The following ANO1 variants were observed in gnomAD, a reference collection of about 807,000 sequenced individuals.
The protein encoded by ANO1 is anoctamin-1.
In ANO1, 59 loss-of-function variants were observed where a neutral mutation model predicts 124.0. That is an observed-to-expected ratio of 0.48 (90% CI 0.39 to 0.59). The LOEUF is 0.59. Ranked by LOEUF, ANO1 falls within the 20% of genes least tolerant of loss-of-function variation. The pLI, the probability that ANO1 is intolerant of heterozygous loss-of-function variation, is 0.00. For missense variants in ANO1, 1,059 were observed against 1,328.0 expected, an observed-to-expected ratio of 0.80 and a Z score of 3.15; for synonymous variants, 529 against 532.0, an observed-to-expected ratio of 0.99 and a Z score of 0.08.
intron 5 of ANO1, 100 bp downstream of exon 5, chr11:70,105,888 G>A (rs61034641): frequency 2.5e-6 from 3 of 1,221,258 alleles, no homozygotes; most frequent in Non-Finnish European, 3.6e-6. Flanking sequence ...GTGGAAGCCG[G>A]CTCTAATTGT....
intron 12 of ANO1, among the ~76,000 whole-genome samples, chr11:70,150,473 G>A (rs1353781942): frequency 6.6e-6 from 1 of 152,158 alleles, no homozygotes; most frequent in East Asian, 1.9e-4. Context: ...GCACAACAGA[G>A]GCGACCTCAT....
At chr11:70,006,663 C>CTTTTTTTTTTTTT (rs56851839) in intron 1 of ANO1, among the ~76,000 whole-genome samples, 4 of 89,012 alleles carry the variant, frequency 4.5e-5, no homozygotes, top group Non-Finnish European at 6.3e-5. Flanking sequence ...TTTCTTCTTT[C>CTTTTTTTTTTTTT]TTTTTTTTTT....
chr11:70,164,291 A>G (rs2048169368), intron 19 of ANO1, among the ~76,000 whole-genome samples: 1 of 152,194 alleles, frequency 6.6e-6, no homozygotes, highest in African/African-American at 2.4e-5. Flanking sequence ...CCTGTGGAAT[A>G]AGATATCGAG....
At chr11:70,052,443 C>G (rs1857362137) in intron 1 of ANO1, among the ~76,000 whole-genome samples, 1 of 150,164 alleles carries the variant, frequency 6.7e-6, no homozygotes, top group African/African-American at 2.4e-5. Context: ...CAGACACACA[C>G]ACATACACAC....
intron 14 of ANO1, among the ~76,000 whole-genome samples, chr11:70,153,835 G>T (rs6592460): frequency 9.9e-5 from 15 of 151,968 alleles, no homozygotes; most frequent in South Asian, 4.2e-4. Flanking sequence ...GCATGATCTC[G>T]GCTCACTGCA....
chr11:70,113,611 C>T lies in ANO1; in HGVS notation c.855+1849C>T, dbSNP rs550736933. 3.6e-4 allele frequency among the ~76,000 whole-genome samples: 55 copies of T among 152,246 alleles called. No homozygotes were observed. The South Asian group carries it at 0.011, about 31-fold the overall frequency. ...ATGATCCCAAGAAGGCAGCCTAGAGCTACATCCATGCTCCTGATTGACCTT... is the reference window on the plus strand; with the variant it reads ...ATGATCCCAAGAAGGCAGCCTAGAGTTACATCCATGCTCCTGATTGACCTT... On this transcript the variant is annotated intron_variant, in intron 7 of 25. Coordinates refer to ENST00000355303, the MANE Select transcript of ANO1 (RefSeq NM_018043.7).
intron 1 of ANO1, among the ~76,000 whole-genome samples, chr11:70,005,112 CAAA>C (rs3078420): frequency 4.4e-4 from 59 of 134,986 alleles, no homozygotes; most frequent in South Asian, 9.7e-4. Flanking sequence ...GATTCCAACT[CAAA>C]AAAAAAAAAA....
chr11:70,075,838 A>C (rs535031214), upstream of ANO1, among the ~76,000 whole-genome samples: 205 of 152,320 alleles, frequency 1.3e-3, no homozygotes, highest in African/African-American at 4.7e-3. Context: ...GAAGAGAACC[A>C]TCTATGGAAC....
chr11:70,111,146 A>C (rs1194728341), intron 6 of ANO1: 3 of 456,902 alleles, frequency 6.6e-6, no homozygotes, highest in South Asian at 3.1e-5. Context: ...GGGAAGAAAG[A>C]AGGACTCCGC....
intron 21 of ANO1, among the ~76,000 whole-genome samples, chr11:70,169,481 C>T (rs1378891732): frequency 6.6e-6 from 1 of 151,334 alleles, no homozygotes; most frequent in South Asian, 2.1e-4. Context: ...AGGCCCCAGC[C>T]CTGGCAGCGC....
chr11:70,137,589 C>T (rs1436920706), intron 11 of ANO1, among the ~76,000 whole-genome samples: 2 of 145,872 alleles, frequency 1.4e-5, no homozygotes, highest in Admixed American at 7.3e-5. Context: ...ATCCACCCAG[C>T]GGGGCCCGGC....
At chr11:69,966,175 A>G in the ANO1 span, among the ~76,000 whole-genome samples, 1 of 152,198 alleles carries the variant, frequency 6.6e-6, no homozygotes, top group Non-Finnish European at 1.5e-5. Context: ...GCTGTGAAAC[A>G]GGGCCACCTG....
At chr11:70,113,340 G>A (rs991529357) in intron 7 of ANO1, among the ~76,000 whole-genome samples, 2 of 152,198 alleles carry the variant, frequency 1.3e-5, no homozygotes, top group African/African-American at 4.8e-5. Context: ...TGTTGATTGA[G>A]ATTGGATTGA....
chr11:70,122,562 T>C (rs2046337818), intron 8 of ANO1, among the ~76,000 whole-genome samples: 1 of 145,408 alleles, frequency 6.9e-6, no homozygotes, highest in Non-Finnish European at 1.6e-5. Flanking sequence ...TGCCTCTGTC[T>C]CTGTCTCTCT....
chr11:69,999,683 C>T (rs1856344617), intron 1 of ANO1, among the ~76,000 whole-genome samples: 1 of 152,144 alleles, frequency 6.6e-6, no homozygotes, highest in Admixed American at 6.5e-5. Flanking sequence ...TGAATCAATG[C>T]CTAGCACAGG....
intron 13 of ANO1, 41 bp from the exon 14 acceptor site, chr11:70,153,014 CAA>C: frequency 6.4e-7 from 1 of 1,555,226 alleles, no homozygotes. Context: ...AGCTCAGACT[CAA>C]AATTAACAAG....
chr11:70,028,541 A>G (rs1856948631), intron 1 of ANO1, among the ~76,000 whole-genome samples: 1 of 151,952 alleles, frequency 6.6e-6, no homozygotes, highest in Admixed American at 6.6e-5. Context: ...TCCTGGACAG[A>G]CACTCCCTCA....
intron 1 of ANO1, among the ~76,000 whole-genome samples, chr11:69,997,673 G>T (rs1426475455): frequency 6.6e-6 from 1 of 152,240 alleles, no homozygotes; most frequent in Non-Finnish European, 1.5e-5. Flanking sequence ...GAGGTGACTG[G>T]ATCATGGGGG....
intron 11 of ANO1, among the ~76,000 whole-genome samples, chr11:70,144,864 C>T (rs549896601): frequency 1.6e-4 from 25 of 152,346 alleles, no homozygotes; most frequent in Admixed American, 6.5e-4. Flanking sequence ...AGTCCCCTGA[C>T]GTCTCAGAAC....
Sources: gnomAD v4.1 joint callset for allele counts (sites outside exome capture counted in the v4.1 genomes callset) on GRCh38, gnomAD v4.1.1 for gene constraint, MANE v1.5 for transcripts, NCBI Gene and HGNC (gene_info 2026-07-23, HGNC 2026-07-21) for gene names.